The following MARCHF11 variants were observed in gnomAD, a reference collection of about 807,000 sequenced individuals.
The protein encoded by MARCHF11 is membrane associated ring-CH-type finger 11.
A neutral mutation model predicts 37.3 loss-of-function variants in MARCHF11; 29 were observed. That is an observed-to-expected ratio of 0.78 (90% CI 0.58 to 1.06). The LOEUF (loss-of-function observed/expected upper bound fraction) is 1.06. MARCHF11 is among the 50% of genes least tolerant of loss of function. MARCHF11 has a pLI of 0.00. For missense variants in MARCHF11, 482 were observed against 533.4 expected, an observed-to-expected ratio of 0.90 and a Z score of 0.95; for synonymous variants, 233 against 228.0, an observed-to-expected ratio of 1.02 and a Z score of -0.20.
chr5:16,176,596 T>A (rs1321859227), intron 2 of MARCHF11, among the ~76,000 whole-genome samples: 2 of 152,212 alleles, frequency 1.3e-5, no homozygotes, highest in Non-Finnish European at 2.9e-5. Flanking sequence ...TGGTTGCTAA[T>A]CATGCATTAA....
intron 2 of MARCHF11, among the ~76,000 whole-genome samples, chr5:16,134,260 C>G (rs1560985043): frequency 6.6e-6 from 1 of 152,104 alleles, no homozygotes; most frequent in Non-Finnish European, 1.5e-5. Flanking sequence ...AAAGCATGTG[C>G]TGGAAATGTA....
intron 2 of MARCHF11, among the ~76,000 whole-genome samples, chr5:16,107,548 A>T (rs1282417341): frequency 6.6e-6 from 1 of 152,140 alleles, no homozygotes; most frequent in African/African-American, 2.4e-5. Context: ...ATTAAATGTG[A>T]TACAGACAGG....
chr5:16,114,715 C>T (rs1383999298), intron 2 of MARCHF11, among the ~76,000 whole-genome samples: 2 of 151,798 alleles, frequency 1.3e-5, no homozygotes, highest in Admixed American at 6.6e-5. Flanking sequence ...GTCTCGAACG[C>T]CTGAGCTCAA....
At chr5:16,126,324 G>A (rs1579397457) in intron 2 of MARCHF11, among the ~76,000 whole-genome samples, 1 of 152,120 alleles carries the variant, frequency 6.6e-6, no homozygotes, top group African/African-American at 2.4e-5. Context: ...AATTCCATGA[G>A]GCAACATGCC....
chr5:16,174,209 C>A (rs945785240), intron 2 of MARCHF11, among the ~76,000 whole-genome samples: 1 of 152,198 alleles, frequency 6.6e-6, no homozygotes, highest in African/African-American at 2.4e-5. Context: ...AGATTCAAAA[C>A]AGAACTAGGC....
intron 2 of MARCHF11, among the ~76,000 whole-genome samples, chr5:16,130,257 C>CAA (rs113580038): frequency 0.045 from 6,879 of 151,340 alleles, 407 homozygotes; most frequent in African/African-American, 0.15. Context: ...TACATACACA[C>CAA]ACACACACAC....
rs534167962 is a variant in MARCHF11, at chr5:16,124,587, T to C, written c.694-33506A>G. Among the ~76,000 whole-genome samples, 6 of 152,266 alleles carry C rather than the reference T, an allele frequency of 3.9e-5. No individual in the cohort carries two copies. In the East Asian group the frequency reaches 5.8e-4, roughly 15 times the overall value. ...TGCAGACAGCCACCAATGAAGTTTC[T>C]ACATGGGTCTGGGAAAGGGATTGCT... On this transcript the variant is annotated intron_variant, in intron 2 of 3. Coordinates refer to ENST00000332432, the MANE Select transcript of MARCHF11 (RefSeq NM_001102562.3).
rs1738419739 is a variant in MARCHF11, at chr5:16,179,169, C to G, written c.407G>C (p.Gly136Ala). ...CACCGAGCGCGTCTCGGGCTGGTCT[C>G]CGGCGCCCCGCCGCTCGCGCTCGCC... ...AGGERERRGA[G>A]DQPETRSVCS... The change falls in exon 1 of 4, where the codon GGA becomes GCA. Residue 136 changes from glycine to alanine, a missense_variant. Gly to Ala is a moderately conservative substitution (Grantham distance 60, BLOSUM62 0). Coordinates refer to ENST00000332432, the MANE Select transcript of MARCHF11 (RefSeq NM_001102562.3). The G allele has an allele frequency of 1.4e-6, 2 of 1,384,612 alleles. No individual in the cohort carries two copies. Among genetic ancestry groups the G allele is most frequent in the African/African-American group, 1.5e-5 (1 of 65,860 alleles). The allele number at this position is 1,384,612 out of a possible 1,614,324, so 85.8% of individuals were successfully genotyped here.
intron 2 of MARCHF11, among the ~76,000 whole-genome samples, chr5:16,150,005 G>C (rs1243294999): frequency 7.2e-6 from 1 of 138,444 alleles, no homozygotes; most frequent in Non-Finnish European, 1.5e-5. Flanking sequence ...ATTTTGATAG[G>C]AGTTACCTTT....
chr5:16,093,648 G>A (rs1254945867), intron 2 of MARCHF11, among the ~76,000 whole-genome samples: 3 of 152,190 alleles, frequency 2.0e-5, no homozygotes, highest in African/African-American at 7.2e-5. Context: ...CTCACCAGAA[G>A]CAAGAAACAG....
chr5:16,135,570 T>C (rs545224923), intron 2 of MARCHF11, among the ~76,000 whole-genome samples: 1 of 152,190 alleles, frequency 6.6e-6, no homozygotes, highest in African/African-American at 2.4e-5. Flanking sequence ...CAAATAATAG[T>C]ACCTTTTAAG....
chr5:16,158,561 G>T (rs1738016650), intron 2 of MARCHF11, among the ~76,000 whole-genome samples: 1 of 151,924 alleles, frequency 6.6e-6, no homozygotes, highest in Admixed American at 6.6e-5. Flanking sequence ...GAAGCAGAGG[G>T]TAGAATGGTG....
intron 2 of MARCHF11, 120 bp from the exon 3 acceptor site, chr5:16,091,201 C>A: frequency 4.4e-6 from 3 of 688,896 alleles, no homozygotes; most frequent in Non-Finnish European, 6.5e-6. Context: ...TGATGAGACC[C>A]CAAATGAATT....
At chr5:16,088,375 CAACACAT>C (rs1560971043) in intron 3 of MARCHF11, among the ~76,000 whole-genome samples, 1 of 152,132 alleles carries the variant, frequency 6.6e-6, no homozygotes, top group Non-Finnish European at 1.5e-5. Flanking sequence ...TAGCACTGTT[CAACACAT>C]AGAAAGTTCC....
At chr5:16,084,743 T>C (rs1736666466) in intron 3 of MARCHF11, among the ~76,000 whole-genome samples, 1 of 142,486 alleles carries the variant, frequency 7.0e-6, no homozygotes. Flanking sequence ...ATGAACTTTC[T>C]GTAGAAGGAG....
chr5:16,135,801 T>G (rs1470798576), intron 2 of MARCHF11, among the ~76,000 whole-genome samples: 1 of 143,026 alleles, frequency 7.0e-6, no homozygotes, highest in Non-Finnish European at 1.5e-5. Context: ...AACGCTCTCC[T>G]CAATGCAAAG....
rs755204895 is a variant in MARCHF11 at position 16,150,002 on chromosome 5, TAGG to T, written c.693+27721_693+27723del. Among the ~76,000 whole-genome samples the T allele has an allele frequency of 1.5e-3, 210 of 138,596 alleles. 4 individuals are homozygous for T. Among genetic ancestry groups the T allele is most frequent in the Non-Finnish European group, 2.0e-3 (135 of 67,590 alleles). 90.9% of individuals were successfully genotyped at this position (138,596 alleles called of 152,430 possible). A position where few individuals can be genotyped will look rare whatever the true frequency, so the allele number is the denominator to read the frequency against. On this transcript the variant is annotated intron_variant, in intron 2 of 3. Transcript: ENST00000332432. ...AACAGATAAAACGAATCCATTTTGA[TAGG>T]AGTTACCTTTGTGGGGCTGTCTACT...
intron 3 of MARCHF11, among the ~76,000 whole-genome samples, chr5:16,075,857 G>A (rs1274882672): frequency 6.6e-6 from 1 of 152,156 alleles, no homozygotes; most frequent in African/African-American, 2.4e-5. Flanking sequence ...CATATGGGCA[G>A]GGCAGAGGAC....
chr5:16,140,685 C>G (rs1737688123), intron 2 of MARCHF11, among the ~76,000 whole-genome samples: 1 of 152,164 alleles, frequency 6.6e-6, no homozygotes, highest in Non-Finnish European at 1.5e-5. Flanking sequence ...CCCTTACGTT[C>G]TCAACATAAA....
Sources: allele counts gnomAD v4.1 joint callset (sites outside exome capture counted in the v4.1 genomes callset), GRCh38; gene constraint gnomAD v4.1.1; transcripts MANE v1.5; gene names NCBI Gene and HGNC (gene_info 2026-07-23, HGNC 2026-07-21).